SGCD: variants seen among roughly 807,000 people sequenced by gnomAD.
SGCD encodes the protein delta-sarcoglycan.
SGCD carries 18 observed loss-of-function variants against 36.6 expected under a neutral mutation model. The observed-to-expected ratio is 0.49, with a 90% confidence interval of 0.34 to 0.73. The LOEUF (loss-of-function observed/expected upper bound fraction) is 0.73. Ranked by LOEUF, SGCD falls within the 30% of genes least tolerant of loss-of-function variation. SGCD has a pLI of 0.01. For synonymous variants in SGCD, 133 were observed against 130.6 expected, an observed-to-expected ratio of 1.02 and a Z score of -0.12; for missense variants, 387 against 346.7, an observed-to-expected ratio of 1.12 and a Z score of -0.92.
intron 3 of SGCD, among the ~76,000 whole-genome samples, chr5:156,369,989 A>G (rs936057950): frequency 6.6e-6 from 1 of 152,168 alleles, no homozygotes; most frequent in Non-Finnish European, 1.5e-5. Flanking sequence ...GAGCTATTAC[A>G]GGTTGTCTAA....
intron 7 of SGCD, among the ~76,000 whole-genome samples, chr5:156,723,733 C>T (rs282464): frequency 0.019 from 2,959 of 152,152 alleles, 67 homozygotes; most frequent in East Asian, 0.062. Context: ...AAGGCATGAT[C>T]AAGGTTAGAG....
intron 3 of SGCD, among the ~76,000 whole-genome samples, chr5:156,173,045 TTTAC>T (rs1387795837): frequency 6.6e-6 from 1 of 152,154 alleles, no homozygotes; most frequent in Admixed American, 6.5e-5. Flanking sequence ...TTTTGTCCTG[TTTAC>T]TTGAGTTGTA....
At chr5:156,469,770 G>A (rs758489601) in intron 3 of SGCD, among the ~76,000 whole-genome samples, 7 of 152,154 alleles carry the variant, frequency 4.6e-5, no homozygotes, top group East Asian at 1.9e-4. Flanking sequence ...GCTCGCCATC[G>A]ATTTGATTGG....
intron 1 of SGCD, among the ~76,000 whole-genome samples, chr5:155,889,165 T>G (rs1580973145): frequency 6.6e-6 from 1 of 152,200 alleles, no homozygotes; most frequent in Admixed American, 6.5e-5. Flanking sequence ...CCTAGCCAAG[T>G]GCCTCTCCAT....
intron 3 of SGCD, among the ~76,000 whole-genome samples, chr5:156,347,963 TA>T (rs1276397511): frequency 6.6e-6 from 1 of 152,200 alleles, no homozygotes; most frequent in Non-Finnish European, 1.5e-5. Context: ...TTATTAGGCA[TA>T]ATTGGTACTT....
chr5:155,862,725 G>A, the SGCD span, among the ~76,000 whole-genome samples: 3 of 152,204 alleles, frequency 2.0e-5, no homozygotes, highest in Non-Finnish European at 4.4e-5. Flanking sequence ...AGTTCTATGA[G>A]AATAAGACAT....
At chr5:155,947,933 G>GAA (rs11412228) in intron 1 of SGCD, among the ~76,000 whole-genome samples, 3 of 149,544 alleles carry the variant, frequency 2.0e-5, no homozygotes, top group East Asian at 2.0e-4. Context: ...CTATAAAAGT[G>GAA]AAAAAAAAAG....
chr5:156,636,245 A>G (rs992909136), intron 6 of SGCD, among the ~76,000 whole-genome samples: 1 of 152,198 alleles, frequency 6.6e-6, no homozygotes, highest in Non-Finnish European at 1.5e-5. Context: ...TACTTACTGG[A>G]AAAGAAGTTA....
At chr5:156,229,158 T>A (rs1243462773) in intron 3 of SGCD, among the ~76,000 whole-genome samples, 3 of 150,770 alleles carry the variant, frequency 2.0e-5, no homozygotes, top group Non-Finnish European at 3.0e-5. Context: ...CACTCCCTGC[T>A]CCTCAGCCTG....
intron 3 of SGCD, among the ~76,000 whole-genome samples, chr5:156,206,350 T>C (rs1481166207): frequency 6.6e-6 from 1 of 152,008 alleles, no homozygotes; most frequent in Non-Finnish European, 1.5e-5. Flanking sequence ...TTAATTATTG[T>C]GGACATATTT....
intron 3 of SGCD, among the ~76,000 whole-genome samples, chr5:156,257,108 A>G (rs1325110508): frequency 6.6e-6 from 1 of 151,938 alleles, no homozygotes; most frequent in Non-Finnish European, 1.5e-5. Flanking sequence ...TGAGCTCAGA[A>G]GGTCAAGGCT....
At chr5:156,056,864 A>G (rs1760078737) in intron 1 of SGCD, among the ~76,000 whole-genome samples, 2 of 145,808 alleles carry the variant, frequency 1.4e-5, no homozygotes, top group South Asian at 4.3e-4. Context: ...AAAGTACTTT[A>G]TGAATCCTCT....
chr5:156,463,621 A>G (rs1372510516), intron 3 of SGCD, among the ~76,000 whole-genome samples: 1 of 152,126 alleles, frequency 6.6e-6, no homozygotes, highest in East Asian at 1.9e-4. Context: ...TTCTCCTAAT[A>G]TCAAGAGCAT....
At chr5:155,750,028 A>G in the SGCD span, among the ~76,000 whole-genome samples, 2 of 152,188 alleles carry the variant, frequency 1.3e-5, no homozygotes. Context: ...TTTGTCTGAG[A>G]AAAGTAATAC....
chr5:156,414,153 A>T (rs1772910656), intron 3 of SGCD, among the ~76,000 whole-genome samples: 1 of 152,178 alleles, frequency 6.6e-6, no homozygotes, highest in Non-Finnish European at 1.5e-5. Flanking sequence ...TTAAAGTAGC[A>T]CTCAATATTT....
At chr5:156,009,388 C>T (rs1159164966) in intron 1 of SGCD, among the ~76,000 whole-genome samples, 3 of 152,168 alleles carry the variant, frequency 2.0e-5, no homozygotes, top group Non-Finnish European at 4.4e-5. Context: ...TACATACCTA[C>T]ACCTGGTCAA....
chr5:156,537,817 C>T (rs1758182796), intron 4 of SGCD, among the ~76,000 whole-genome samples: 1 of 149,874 alleles, frequency 6.7e-6, no homozygotes, highest in African/African-American at 2.5e-5. Context: ...TGTTGGTATT[C>T]ACCCAGGATA....
At chr5:155,758,172 G>GT in the SGCD span, among the ~76,000 whole-genome samples, 1 of 152,030 alleles carries the variant, frequency 6.6e-6, no homozygotes, top group East Asian at 1.9e-4. Flanking sequence ...TTGAATTGAA[G>GT]TTTCCCATGT....
the SGCD span, among the ~76,000 whole-genome samples, chr5:155,850,869 C>G: frequency 6.6e-6 from 1 of 152,084 alleles, no homozygotes; most frequent in East Asian, 1.9e-4. Context: ...CTGATGGAAG[C>G]GACAGAAGTA....
Sources: allele counts gnomAD v4.1 joint callset (sites outside exome capture counted in the v4.1 genomes callset), GRCh38; gene constraint gnomAD v4.1.1; transcripts MANE v1.5; gene names NCBI Gene and HGNC (gene_info 2026-07-23, HGNC 2026-07-21).